The following CIMIP5 variants were observed in gnomAD, a reference collection of about 807,000 sequenced individuals.
The protein encoded by CIMIP5 is uncharacterized protein C2orf50.
At chr2:11,139,137 C>T in the CIMIP5 span, among the ~76,000 whole-genome samples, 5 of 152,192 alleles carry the variant, frequency 3.3e-5, no homozygotes, top group South Asian at 4.2e-4. Flanking sequence ...AGGCTGGTCT[C>T]GAACTCCTGA....
chr2:11,133,281 G>GTC, the CIMIP5 span: 60,237 of 1,439,576 alleles, frequency 0.042, 115 homozygotes, highest in Middle Eastern at 0.058. Context: ...TCAGGCACAG[G>GTC]TCTCTCTCTC....
At chr2:11,145,043 G>A in the CIMIP5 span, 1 of 151,822 alleles carries the variant, frequency 6.6e-6, no homozygotes, top group Admixed American at 6.6e-5. Context: ...GAGTGCAACA[G>A]TGTGATCTTG....
At chr2:11,143,971 GAC>G in the CIMIP5 span, 7 of 1,605,222 alleles carry the variant, frequency 4.4e-6, no homozygotes, top group Admixed American at 1.0e-4. Flanking sequence ...TCTCTTTTCG[GAC>G]ACAGTTCCCA....
chr2:11,152,006 T>C, the CIMIP5 span, among the ~76,000 whole-genome samples: 1 of 152,220 alleles, frequency 6.6e-6, no homozygotes, highest in Non-Finnish European at 1.5e-5. Flanking sequence ...TTGGTGAGGA[T>C]GGAGATGGAA....
At chr2:11,148,804 C>T in the CIMIP5 span, among the ~76,000 whole-genome samples, 9 of 137,550 alleles carry the variant, frequency 6.5e-5, no homozygotes, top group South Asian at 2.2e-4. Context: ...AGTGCGATCT[C>T]GCTCACTGCA....
the CIMIP5 span, among the ~76,000 whole-genome samples, chr2:11,151,898 T>C: frequency 6.6e-6 from 1 of 152,324 alleles, no homozygotes; most frequent in South Asian, 2.1e-4. Flanking sequence ...CCTCCCAAAG[T>C]GCTGGGATTA....
At chr2:11,133,447 C>T in the CIMIP5 span, 3 of 1,610,336 alleles carry the variant, frequency 1.9e-6, no homozygotes, top group Non-Finnish European at 2.5e-6. Context: ...GGCCCTATGG[C>T]CAGCAGGGGT....
the CIMIP5 span, among the ~76,000 whole-genome samples, chr2:11,148,611 C>T: frequency 1.4e-5 from 2 of 146,072 alleles, no homozygotes; most frequent in African/African-American, 5.6e-5. Context: ...TGACCACGCC[C>T]ATGCCCACCC....
the CIMIP5 span, among the ~76,000 whole-genome samples, chr2:11,137,577 GAGAGAATGGGAGA>G: frequency 6.6e-6 from 1 of 152,222 alleles, no homozygotes; most frequent in African/African-American, 2.4e-5. Context: ...ACTCCCAGAG[GAGAGAATGGGAGA>G]GAGAATGTCT....
the CIMIP5 span, among the ~76,000 whole-genome samples, chr2:11,143,542 T>C: frequency 2.0e-5 from 3 of 149,214 alleles, no homozygotes; most frequent in South Asian, 2.1e-4. Context: ...TCTGTGTGAA[T>C]GTTATACTCT....
the CIMIP5 span, among the ~76,000 whole-genome samples, chr2:11,136,774 A>G: frequency 6.6e-6 from 1 of 152,230 alleles, no homozygotes; most frequent in Non-Finnish European, 1.5e-5. Context: ...TTCTATCTCA[A>G]TTTTAGAAGG....
chr2:11,140,548 T>C, the CIMIP5 span: 2 of 1,571,158 alleles, frequency 1.3e-6, no homozygotes, highest in Non-Finnish European at 1.7e-6. Context: ...TATGACCCAA[T>C]GGTAAGGTAA....
At chr2:11,153,152 T>C in the CIMIP5 span, among the ~76,000 whole-genome samples, 1 of 152,124 alleles carries the variant, frequency 6.6e-6, no homozygotes, top group African/African-American at 2.4e-5. Flanking sequence ...CCCACATCAC[T>C]GCATCCTGGT....
At chr2:11,141,576 G>A in the CIMIP5 span, among the ~76,000 whole-genome samples, 1 of 152,168 alleles carries the variant, frequency 6.6e-6, no homozygotes. Flanking sequence ...TCCTGGGCAG[G>A]CTTGACCAGA....
the CIMIP5 span, among the ~76,000 whole-genome samples, chr2:11,152,062 G>T: frequency 6.6e-6 from 1 of 152,242 alleles, no homozygotes; most frequent in African/African-American, 2.4e-5. Context: ...TTCTGTTCCC[G>T]AGCGGGGATT....
the CIMIP5 span, among the ~76,000 whole-genome samples, chr2:11,136,217 G>A: frequency 2.0e-5 from 3 of 152,198 alleles, no homozygotes; most frequent in African/African-American, 7.2e-5. Flanking sequence ...CCAATGTCAT[G>A]AAGCTTCTTC....
the CIMIP5 span, among the ~76,000 whole-genome samples, chr2:11,143,403 A>G: frequency 1.3e-5 from 2 of 151,472 alleles, no homozygotes; most frequent in Admixed American, 1.3e-4. Flanking sequence ...GTGCCTTGGG[A>G]GCAGAGACAG....
the CIMIP5 span, among the ~76,000 whole-genome samples, chr2:11,148,732 C>CTTTTTTTTTTTTTTTT: frequency 2.3e-4 from 8 of 35,552 alleles, 1 homozygote; most frequent in African/African-American, 3.3e-4. Context: ...AATGAAAACT[C>CTTTTTTTTTTTTTTTT]TTTTTTTTTT....
At chr2:11,148,452 G>A in the CIMIP5 span, among the ~76,000 whole-genome samples, 10 of 151,838 alleles carry the variant, frequency 6.6e-5, no homozygotes, top group African/African-American at 7.3e-5. Context: ...TTCTATCCAC[G>A]GAAAGTACAA....
Sources: allele counts gnomAD v4.1 joint callset (sites outside exome capture counted in the v4.1 genomes callset), GRCh38; gene constraint gnomAD v4.1.1; transcripts MANE v1.5; gene names NCBI Gene and HGNC (gene_info 2026-07-23, HGNC 2026-07-21).